Variants in PCDH15 observed in about 807,000 individuals in gnomAD.
The protein encoded by PCDH15 is protocadherin related 15, also known as protocadherin-15.
In PCDH15, 129 loss-of-function variants were observed where a neutral mutation model predicts 178.5. The ratio of observed to expected loss-of-function variants is 0.72; its 90% CI spans 0.63 to 0.84. The LOEUF is 0.84. Ranked by LOEUF, PCDH15 falls within the 40% of genes least tolerant of loss-of-function variation. PCDH15 has a pLI of 0.00. For synonymous variants in PCDH15, 800 were observed against 732.0 expected (o/e 1.09, Z -1.50); for missense variants, 2,230 against 2,099.9 (o/e 1.06, Z -1.21).
chr10:53,879,094 T>C (rs2080498135), intron 26 of PCDH15, among the ~76,000 whole-genome samples: 2 of 90,834 alleles, frequency 2.2e-5, no homozygotes, highest in African/African-American at 6.5e-5. Flanking sequence ...ATCTCTTCTA[T>C]TTGTTCTTTT....
At chr10:54,532,773 AC>A (rs199620039) in intron 2 of PCDH15, among the ~76,000 whole-genome samples, 1 of 151,002 alleles carries the variant, frequency 6.6e-6, no homozygotes, top group Admixed American at 6.6e-5. Flanking sequence ...AAAAAAAAAA[AC>A]AACTAATTCC....
In PCDH15 at chr10:54,410,333, T is replaced by A. The variant is rs146656101; in HGVS notation, c.158-31391A>T. On this transcript the variant is annotated intron_variant, in intron 3 of 37. Transcript: ENST00000644397. ...TTAAAAGCATGTAGCAGCTTCCAAT[T>A]TACCTTTCCTAAAGAACAAGTCAGG... Among the ~76,000 whole-genome samples, 668 of 152,240 alleles carry A rather than the reference T, an allele frequency of 4.4e-3. 10 individuals are homozygous for A. In the South Asian group the frequency reaches 0.049, roughly 11 times the overall value.
chr10:54,853,243 A>AGAGCTAAACTCTGT (rs997393302), intron 3 of PCDH15, among the ~76,000 whole-genome samples: 6 of 148,854 alleles, frequency 4.0e-5, no homozygotes, highest in Admixed American at 3.4e-4. Flanking sequence ...CTGGGCAACA[A>AGAGCTAAACTCTGT]GAGCTAAACT....
At chr10:53,857,418 G>A (rs554220571) in intron 27 of PCDH15, among the ~76,000 whole-genome samples, 155 bp from the exon 28 acceptor site, 5 of 151,702 alleles carry the variant, frequency 3.3e-5, no homozygotes, top group Admixed American at 2.0e-4. Flanking sequence ...TTAATTATAT[G>A]ATCTACACAA....
chr10:55,367,914 A>C (rs1023825523), intron 2 of PCDH15, among the ~76,000 whole-genome samples: 6 of 152,110 alleles, frequency 3.9e-5, no homozygotes, highest in African/African-American at 1.4e-4. Context: ...TTATCTACTT[A>C]TTTCTTCCAA....
intron 2 of PCDH15, among the ~76,000 whole-genome samples, chr10:54,992,746 C>G (rs1387001676): frequency 7.2e-6 from 1 of 138,528 alleles, no homozygotes; most frequent in East Asian, 2.0e-4. Context: ...CAGAGTGATC[C>G]TCCATCTCAA....
At chr10:55,119,457 T>G (rs1373990913) in intron 2 of PCDH15, among the ~76,000 whole-genome samples, 1 of 152,024 alleles carries the variant, frequency 6.6e-6, no homozygotes, top group African/African-American at 2.4e-5. Flanking sequence ...CTACATTTTT[T>G]GCACTACTGA....
At chr10:55,334,314 A>ATTT (rs11419000) in intron 2 of PCDH15, among the ~76,000 whole-genome samples, 11 of 119,594 alleles carry the variant, frequency 9.2e-5, no homozygotes, top group African/African-American at 4.1e-4. Flanking sequence ...ATATATATAT[A>ATTT]TTTTTTTTTT....
chr10:54,285,981 A>T (rs2059003414), intron 8 of PCDH15, among the ~76,000 whole-genome samples: 1 of 152,200 alleles, frequency 6.6e-6, no homozygotes, highest in Admixed American at 6.5e-5. Context: ...TCTCACTCAC[A>T]TGGAATTTAA....
chr10:55,347,414 C>G (rs1337870665), intron 2 of PCDH15, among the ~76,000 whole-genome samples: 1 of 152,034 alleles, frequency 6.6e-6, no homozygotes, highest in Non-Finnish European at 1.5e-5. Flanking sequence ...ACATTAAAGC[C>G]TCCTGAAACA....
At chr10:55,208,755 T>C (rs1253910865) in intron 1 of PCDH15, among the ~76,000 whole-genome samples, 1 of 152,044 alleles carries the variant, frequency 6.6e-6, no homozygotes, top group Non-Finnish European at 1.5e-5. Flanking sequence ...GATTATGAAG[T>C]AGGTGCTTAA....
chr10:54,638,024 G>A (rs1345934388), intron 2 of PCDH15, among the ~76,000 whole-genome samples: 1 of 151,974 alleles, frequency 6.6e-6, no homozygotes, highest in Non-Finnish European at 1.5e-5. Context: ...GATAACAGAT[G>A]AGGAAATTGT....
intron 3 of PCDH15, among the ~76,000 whole-genome samples, chr10:54,421,299 T>A (rs1035204440): frequency 1.3e-5 from 2 of 151,656 alleles, no homozygotes; most frequent in Non-Finnish European, 2.9e-5. Flanking sequence ...TAAGAAATAA[T>A]CTCTGACTCT....
chr10:54,702,188 A>C (rs995874276), intron 1 of PCDH15, among the ~76,000 whole-genome samples: 1 of 152,112 alleles, frequency 6.6e-6, no homozygotes, highest in African/African-American at 2.4e-5. Context: ...AAATGAAAAA[A>C]GCTACTCCTG....
chr10:54,266,176 C>T (rs941419165), intron 8 of PCDH15, among the ~76,000 whole-genome samples: 1 of 151,612 alleles, frequency 6.6e-6, no homozygotes, highest in Non-Finnish European at 1.5e-5. Context: ...CACACACACA[C>T]AGAAACTAAA....
chr10:55,017,341 A>G (rs1840207390), intron 2 of PCDH15, among the ~76,000 whole-genome samples: 1 of 152,176 alleles, frequency 6.6e-6, no homozygotes, highest in African/African-American at 2.4e-5. Flanking sequence ...TTTAACTTAT[A>G]TGATAATACT....
chr10:55,554,572 G>C (rs922757198), intron 2 of PCDH15, among the ~76,000 whole-genome samples: 1 of 151,866 alleles, frequency 6.6e-6, no homozygotes, highest in Non-Finnish European at 1.5e-5. Flanking sequence ...AATCAAACAC[G>C]GATCGAAAAT....
chr10:55,385,693 C>CTATATATATATATATATATATATA (rs57143868), intron 2 of PCDH15, among the ~76,000 whole-genome samples: 18 of 128,724 alleles, frequency 1.4e-4, no homozygotes, highest in African/African-American at 2.9e-4. Context: ...CTTCCTCTGC[C>CTATATATATATATATATATATATA]TATATATATA....
At chr10:53,828,706 C>A in intron 30 of PCDH15, 133 bp from the exon 31 acceptor site, 1 of 781,768 alleles carries the variant, frequency 1.3e-6, no homozygotes, top group African/African-American at 1.8e-5. Flanking sequence ...GAGTTAATGA[C>A]AGACTAAGAA....
Sources: allele counts gnomAD v4.1 joint callset (sites outside exome capture counted in the v4.1 genomes callset), GRCh38; gene constraint gnomAD v4.1.1; transcripts MANE v1.5; gene names NCBI Gene and HGNC (gene_info 2026-07-23, HGNC 2026-07-21).